Variants in TMEFF2 observed in about 807,000 individuals in gnomAD.
TMEFF2 encodes the protein tomoregulin-2.
TMEFF2 carries 28 observed loss-of-function variants against 53.8 expected under a neutral mutation model. The ratio of observed to expected loss-of-function variants is 0.52; its 90% CI spans 0.39 to 0.71. The LOEUF (loss-of-function observed/expected upper bound fraction) is 0.71. Among genes scored for constraint, TMEFF2 ranks in the 30% least tolerant of loss-of-function variants. The pLI is 0.00. For missense variants in TMEFF2, 353 were observed against 455.2 expected (o/e 0.78, Z 2.04); for synonymous variants, 162 against 166.3 (o/e 0.97, Z 0.20).
At chr2:192,001,009 A>G (rs1686345042) in intron 5 of TMEFF2, among the ~76,000 whole-genome samples, 1 of 152,210 alleles carries the variant, frequency 6.6e-6, no homozygotes, top group Non-Finnish European at 1.5e-5. Context: ...CTACATGTTC[A>G]AAGAGCTTCT....
intron 1 of TMEFF2, among the ~76,000 whole-genome samples, chr2:192,193,753 T>TAGAGAGAGAGAGAGAGAGAGAG: frequency 8.1e-6 from 1 of 122,752 alleles, no homozygotes; most frequent in African/African-American, 3.2e-5. Flanking sequence ...GAGAGAGAGA[T>TAGAGAGAGAGAGAGAGAGAGAG]AGATAGATAG....
intron 4 of TMEFF2, among the ~76,000 whole-genome samples, chr2:192,110,853 T>TG (rs1227256112): frequency 6.6e-6 from 1 of 152,080 alleles, no homozygotes; most frequent in South Asian, 2.1e-4. Context: ...AACTGAATCA[T>TG]GGGGGCAGTT....
chr2:192,098,216 T>TA (rs1463074143), intron 4 of TMEFF2, among the ~76,000 whole-genome samples: 1 of 152,196 alleles, frequency 6.6e-6, no homozygotes, highest in Non-Finnish European at 1.5e-5. Context: ...GAGTGCCAGG[T>TA]AACATTCTAT....
At chr2:192,135,877 G>A (rs867849266) in intron 4 of TMEFF2, among the ~76,000 whole-genome samples, 7 of 151,658 alleles carry the variant, frequency 4.6e-5, no homozygotes, top group African/African-American at 1.7e-4. Context: ...CCTTCTCCTG[G>A]CTCAGAAGCT....
At chr2:191,974,942 CAAAG>C (rs1685669085) in intron 7 of TMEFF2, among the ~76,000 whole-genome samples, 1 of 151,836 alleles carries the variant, frequency 6.6e-6, no homozygotes. Flanking sequence ...GCCTCAAGCA[CAAAG>C]ACTCAGGTTA....
chr2:192,058,585 A>C (rs536096034), intron 4 of TMEFF2, among the ~76,000 whole-genome samples: 1 of 152,288 alleles, frequency 6.6e-6, no homozygotes, highest in South Asian at 2.1e-4. Context: ...AATTGAGAAA[A>C]AATTTCTAGT....
intron 4 of TMEFF2, among the ~76,000 whole-genome samples, chr2:192,066,914 A>G (rs1688180405): frequency 6.6e-6 from 1 of 151,908 alleles, no homozygotes; most frequent in African/African-American, 2.4e-5. Context: ...ATGCATATTC[A>G]TATAAATGGT....
At position 192,054,969 on chromosome 2, in the gene TMEFF2, G is replaced by A. The variant is rs1399123767; in HGVS notation, c.536+2710C>T. ...TTTTCAGCTGCTCTTAAAAGCTCATGTCTTAAATGTCTTGGAGAATGGAGC... is the reference window on the plus strand; with the variant it reads ...TTTTCAGCTGCTCTTAAAAGCTCATATCTTAAATGTCTTGGAGAATGGAGC... On this transcript the variant is annotated intron_variant, in intron 5 of 9. Transcript: ENST00000272771. Among the ~76,000 whole-genome samples the A allele has an allele frequency of 2.3e-5, 3 of 131,842 alleles. No homozygotes were observed. In the East Asian group the frequency reaches 6.3e-4, roughly 28 times the overall value. The allele number at this position is 131,842 out of a possible 152,430, so 86.5% of individuals were successfully genotyped here.
intron 4 of TMEFF2, among the ~76,000 whole-genome samples, chr2:192,131,354 G>A (rs190999801): frequency 7.7e-4 from 116 of 150,306 alleles, no homozygotes; most frequent in African/African-American, 2.8e-3. Context: ...TGCTTTTCTG[G>A]GGAAGGGGCA....
At chr2:192,145,031 T>C (rs760484292) in intron 4 of TMEFF2, among the ~76,000 whole-genome samples, 1 of 151,982 alleles carries the variant, frequency 6.6e-6, no homozygotes, top group Non-Finnish European at 1.5e-5. Flanking sequence ...TTTTCCCATT[T>C]TGGGGAAAAC....
chr2:192,070,537 C>A (rs1159854205), intron 4 of TMEFF2, among the ~76,000 whole-genome samples: 1 of 151,848 alleles, frequency 6.6e-6, no homozygotes, highest in East Asian at 1.9e-4. Flanking sequence ...CCATTGTATT[C>A]AAAGTCTTTC....
intron 4 of TMEFF2, among the ~76,000 whole-genome samples, chr2:192,134,598 C>T (rs377160291): frequency 2.0e-5 from 3 of 152,082 alleles, no homozygotes; most frequent in East Asian, 3.9e-4. Context: ...GGCCCCCTCC[C>T]TTCCCTACAC....
intron 4 of TMEFF2, among the ~76,000 whole-genome samples, chr2:192,153,955 T>C (rs1208437647): frequency 6.6e-6 from 1 of 151,842 alleles, no homozygotes; most frequent in Non-Finnish European, 1.5e-5. Context: ...AATTCTTACA[T>C]GGTTGGGGGA....
At position 191,999,160 on chromosome 2, in the gene TMEFF2, G is replaced by A. The variant is rs779383447; in HGVS notation, c.585C>T (p.Cys195=). Residue 195 remains cysteine (C), a synonymous_variant, in exon 6 of 10, where the codon TGC becomes TGT. Transcript: ENST00000272771. The part of the protein sequence containing the change: ...DCSQTNFNPL[C]ASDGKSYDNA... ...TATCATAAGATTTCCCATCAGAAGC[G>A]CAGAGGGGATTGAAGTTGGTTTGAG... The A allele has an allele frequency of 6.9e-5, 111 of 1,611,500 alleles. No individual in the cohort carries two copies. The highest frequency in any genetic ancestry group is 1.7e-4 in the Middle Eastern group (1 of 6,050).
intron 4 of TMEFF2, among the ~76,000 whole-genome samples, chr2:192,118,431 TTG>T (rs373796416): frequency 6.6e-5 from 10 of 152,270 alleles, no homozygotes; most frequent in African/African-American, 2.4e-4. Context: ...GAAAATTGCT[TTG>T]TCTTTAAAAA....
chr2:192,079,906 A>T (rs1019001687), intron 4 of TMEFF2, among the ~76,000 whole-genome samples: 3 of 152,220 alleles, frequency 2.0e-5, no homozygotes, highest in Non-Finnish European at 2.9e-5. Context: ...TATAAAGATG[A>T]TTAGATTCCC....
chr2:191,995,778 T>C (rs374262441), intron 7 of TMEFF2, among the ~76,000 whole-genome samples: 6 of 152,018 alleles, frequency 3.9e-5, no homozygotes, highest in African/African-American at 1.4e-4. Flanking sequence ...GTATGCAATC[T>C]ATGTTTAACT....
intron 5 of TMEFF2, among the ~76,000 whole-genome samples, chr2:192,037,273 T>TAAAG (rs58233148): frequency 0.22 from 20,357 of 94,330 alleles, 2,684 homozygotes; most frequent in Middle Eastern, 0.23. Flanking sequence ...CTAGCCAAAA[T>TAAAG]AAAGAAAGAA....
intron 7 of TMEFF2, among the ~76,000 whole-genome samples, chr2:191,961,081 A>T (rs7584027): frequency 3.9e-5 from 6 of 152,312 alleles, no homozygotes; most frequent in African/African-American, 1.4e-4. Flanking sequence ...GATATTATTT[A>T]TATATATTAA....
Sources: allele counts gnomAD v4.1 joint callset (sites outside exome capture counted in the v4.1 genomes callset), GRCh38; gene constraint gnomAD v4.1.1; transcripts MANE v1.5; gene names NCBI Gene and HGNC (gene_info 2026-07-23, HGNC 2026-07-21).